The following SLC27A6 variants were observed in gnomAD, a reference collection of about 807,000 sequenced individuals.
SLC27A6 encodes solute carrier family 27 member 6.
In SLC27A6, 74 loss-of-function variants were observed where a neutral mutation model predicts 63.9. The ratio of observed to expected loss-of-function variants is 1.16; its 90% CI spans 0.96 to 1.40. The LOEUF (loss-of-function observed/expected upper bound fraction) is 1.40, where lower values mean the gene tolerates loss of function less well. Among genes scored for constraint, SLC27A6 ranks in the 40% most tolerant of loss-of-function variants. The pLI is 0.00. For synonymous variants in SLC27A6, 287 were observed against 260.8 expected (o/e 1.10, Z -0.97); for missense variants, 794 against 732.9 (o/e 1.08, Z -0.96).
intron 4 of SLC27A6, among the ~76,000 whole-genome samples, chr5:128,998,117 C>CCA (rs1283550877): frequency 1.1e-5 from 1 of 89,384 alleles, no homozygotes; most frequent in Non-Finnish European, 2.2e-5. Context: ...CCCATCTCTA[C>CCA]AAAAAAAAAA....
chr5:128,992,843 C>A (rs1561619140), intron 4 of SLC27A6, among the ~76,000 whole-genome samples: 2 of 152,152 alleles, frequency 1.3e-5, no homozygotes, highest in Non-Finnish European at 2.9e-5. Context: ...TAGGTGCTAC[C>A]TAGTGAAGCT....
intron 1 of SLC27A6, 150 bp from the exon 2 acceptor site, chr5:128,984,983 A>C (rs577480443): frequency 8.5e-5 from 54 of 634,060 alleles, no homozygotes; most frequent in Middle Eastern, 4.2e-4. Flanking sequence ...ACGGAACCAT[A>C]AAATGACTGT....
intron 9 of SLC27A6, among the ~76,000 whole-genome samples, chr5:129,031,372 TA>T (rs1471950102): frequency 6.6e-6 from 1 of 151,938 alleles, no homozygotes; most frequent in Non-Finnish European, 1.5e-5. Context: ...TAGCACAAAT[TA>T]AAAAATGGAA....
intron 1 of SLC27A6, among the ~76,000 whole-genome samples, chr5:128,973,995 C>T (rs1398186757): frequency 6.6e-6 from 1 of 152,092 alleles, no homozygotes; most frequent in Non-Finnish European, 1.5e-5. Context: ...ATGTAAACTC[C>T]AAGTTTTGCT....
chr5:129,033,150 G>C lies in SLC27A6; in HGVS notation c.1728G>C (p.Gln576His). The C allele has an allele frequency of 6.2e-7, 1 of 1,608,976 alleles. No individual in the cohort carries two copies. Among genetic ancestry groups the C allele is most frequent in the Non-Finnish European group, 8.5e-7 (1 of 1,177,258 alleles). Reference sequence around the variant, plus strand: ...GAACATTCAAACTATTGAAGCATCAGTTGGTGGAAGATGGATTTAATCCAC... The same window carrying C: ...GAACATTCAAACTATTGAAGCATCACTTGGTGGAAGATGGATTTAATCCAC... Reference protein sequence around the residue: ...ATGTFKLLKHQLVEDGFNPLK... With the variant: ...ATGTFKLLKHHLVEDGFNPLK... The change falls in exon 10 of 10, where the codon CAG becomes CAC. Residue 576 changes from glutamine to histidine, a missense_variant. Transcript: ENST00000262462.
chr5:129,027,135 G>A lies in SLC27A6; in HGVS notation c.1258G>A (p.Glu420Lys). 1 of 1,612,992 alleles carries A rather than the reference G, an allele frequency of 6.2e-7. No homozygotes were observed. The change falls in exon 7 of 10, where the codon GAA (glutamate) becomes AAA (lysine). Residue 420 changes from glutamate (E) to lysine (K), a missense_variant and splice_region_variant. Transcript: ENST00000262462. ...QGWCIHVKKG[E>K]PGLLISRVNA... The stretch of plus-strand genomic sequence containing the variant: ...AAAAATGTCGTTCTTTCTTGCAGGA[G>A]AACCTGGACTTCTCATTTCTCGAGT...
rs755547745 is a variant in SLC27A6 at position 128,966,551 on chromosome 5, C to T, written c.414C>T (p.Asn138=). ...GCGTGGTGGCCTTTCTCAACACCAA[C>T]ATTCGCTCCAACTCCCTCCTGAATT... is the stretch of plus-strand genomic sequence containing the variant. ...LGCVVAFLNT[N]IRSNSLLNCI... is the part of the protein sequence containing the mutation. The change falls in exon 1 of 10, where the codon AAC becomes AAT. Residue 138 remains asparagine (N), a synonymous_variant. Transcript: ENST00000262462. The T allele has an allele frequency of 1.1e-5, 18 of 1,578,106 alleles. No individual in the cohort carries two copies. Among genetic ancestry groups the T allele is most frequent in the Non-Finnish European group, 1.4e-5 (16 of 1,166,280 alleles).
At chr5:129,031,674 A>G (rs1375755183) in intron 9 of SLC27A6, among the ~76,000 whole-genome samples, 1 of 151,972 alleles carries the variant, frequency 6.6e-6, no homozygotes, top group Non-Finnish European at 1.5e-5. Flanking sequence ...ATAAGGGCAA[A>G]GTTAATTAAA....
At chr5:129,009,502 A>G in intron 4 of SLC27A6, among the ~76,000 whole-genome samples, 1 of 152,212 alleles carries the variant, frequency 6.6e-6, no homozygotes, top group East Asian at 1.9e-4. Context: ...TAAAGAAGTG[A>G]CAATATATAA....
At chr5:129,025,411 C>T (rs1013614318) in intron 6 of SLC27A6, among the ~76,000 whole-genome samples, 1 of 151,900 alleles carries the variant, frequency 6.6e-6, no homozygotes, top group African/African-American at 2.4e-5. Context: ...CAGAATATAT[C>T]ACAGAGGTAA....
intron 4 of SLC27A6, among the ~76,000 whole-genome samples, chr5:129,010,722 T>C (rs1751700029): frequency 6.6e-6 from 1 of 151,882 alleles, no homozygotes; most frequent in Non-Finnish European, 1.5e-5. Context: ...CTGCATGAGC[T>C]TGGAAGCAGA....
At chr5:129,031,688 T>C (rs1354476794) in intron 9 of SLC27A6, among the ~76,000 whole-genome samples, 3 of 152,004 alleles carry the variant, frequency 2.0e-5, no homozygotes, top group Admixed American at 6.6e-5. Context: ...AATTAAAATA[T>C]GATAATTAAA....
intron 1 of SLC27A6, among the ~76,000 whole-genome samples, chr5:128,978,331 CA>C (rs1750462428): frequency 6.6e-6 from 1 of 152,176 alleles, no homozygotes. Flanking sequence ...GTCTGCTCTG[CA>C]ACCTACTAAG....
chr5:128,997,751 T>C (rs1280761410), intron 4 of SLC27A6, among the ~76,000 whole-genome samples: 1 of 152,232 alleles, frequency 6.6e-6, no homozygotes, highest in African/African-American at 2.4e-5. Flanking sequence ...TTTAGCTTTA[T>C]GTAGGAAACC....
At chr5:129,021,605 T>TATACAC (rs1752077798) in intron 5 of SLC27A6, among the ~76,000 whole-genome samples, 1 of 152,188 alleles carries the variant, frequency 6.6e-6, no homozygotes, top group Non-Finnish European at 1.5e-5. Flanking sequence ...CATGTACACA[T>TATACAC]ATACACATAC....
intron 4 of SLC27A6, among the ~76,000 whole-genome samples, chr5:129,006,914 G>C (rs1459775068): frequency 6.9e-6 from 1 of 144,856 alleles, no homozygotes; most frequent in African/African-American, 2.5e-5. Flanking sequence ...TATCTAAAGT[G>C]CAGTTGAATA....
At chr5:128,967,687 A>G (rs1458969634) in intron 1 of SLC27A6, among the ~76,000 whole-genome samples, 1 of 152,320 alleles carries the variant, frequency 6.6e-6, no homozygotes, top group Middle Eastern at 3.4e-3. Flanking sequence ...CTTCAAGGCT[A>G]TCACTGTTCC....
intron 4 of SLC27A6, among the ~76,000 whole-genome samples, chr5:129,002,533 C>T (rs1412491921): frequency 1.3e-5 from 2 of 151,784 alleles, no homozygotes; most frequent in Non-Finnish European, 2.9e-5. Context: ...TCTCTCCCAC[C>T]CTCCCTCACT....
intron 6 of SLC27A6, among the ~76,000 whole-genome samples, chr5:129,024,703 G>T (rs1752179658): frequency 6.6e-6 from 1 of 152,116 alleles, no homozygotes; most frequent in Non-Finnish European, 1.5e-5. Flanking sequence ...ATATAGAGAT[G>T]TGCACTTAGA....
Sources: gnomAD v4.1 joint callset for allele counts (sites outside exome capture counted in the v4.1 genomes callset) on GRCh38, gnomAD v4.1.1 for gene constraint, MANE v1.5 for transcripts, NCBI Gene and HGNC (gene_info 2026-07-23, HGNC 2026-07-21) for gene names.